The following BEAN1 variants were observed in gnomAD, a reference collection of about 807,000 sequenced individuals.
BEAN1 encodes protein BEAN1.
BEAN1 carries 17 observed loss-of-function variants against 17.7 expected under a neutral mutation model. The ratio of observed to expected loss-of-function variants is 0.96; its 90% CI spans 0.66 to 1.44. BEAN1 has a LOEUF of 1.44. BEAN1 is among the 40% of genes most tolerant of loss of function. The pLI, the probability that BEAN1 is intolerant of heterozygous loss-of-function variation, is 0.00. For synonymous variants in BEAN1, 142 were observed against 151.8 expected (o/e 0.94, Z 0.47); for missense variants, 359 against 374.1 (o/e 0.96, Z 0.33).
intron 2 of BEAN1, among the ~76,000 whole-genome samples, chr16:66,454,829 A>G (rs1366903449): frequency 6.6e-6 from 1 of 151,162 alleles, no homozygotes; most frequent in African/African-American, 2.4e-5. Context: ...AAGAAACAAG[A>G]AAGTGTGATC....
chr16:66,467,365 A>C (rs1253016915), intron 2 of BEAN1, among the ~76,000 whole-genome samples: 5 of 152,220 alleles, frequency 3.3e-5, no homozygotes, highest in Non-Finnish European at 7.3e-5. Flanking sequence ...GAGAGGCCTC[A>C]AGAAACAGAC....
At chr16:66,431,299 AC>A (rs1037600025) in intron 1 of BEAN1, among the ~76,000 whole-genome samples, 15 of 152,186 alleles carry the variant, frequency 9.9e-5, no homozygotes, top group African/African-American at 3.1e-4. Context: ...CAACAAACAA[AC>A]AAAAACCCCA....
chr16:66,473,326 G>A lies in BEAN1; in HGVS notation c.289+3461G>A, dbSNP rs979156084. 6.6e-6 allele frequency among the ~76,000 whole-genome samples: 1 copy of A among 152,226 alleles called. No homozygotes were observed. The highest frequency in any genetic ancestry group is 1.5e-5 in the Non-Finnish European group (1 of 68,052). ...CTTGGCTTCCCCACTGCAGCCTGTG[G>A]TGGTGGTGACCCCTGTGGGGTTCCG... On this transcript the variant is annotated intron_variant, in intron 3 of 4. Coordinates refer to ENST00000536005, the MANE Select transcript of BEAN1 (RefSeq NM_001178020.3). The surrounding 1 kb of genome is among the most constrained non-coding windows in gnomAD (Gnocchi z 4.5).
intron 1 of BEAN1, among the ~76,000 whole-genome samples, chr16:66,432,259 A>G (rs1414650945): frequency 1.3e-5 from 2 of 152,292 alleles, no homozygotes; most frequent in South Asian, 4.1e-4. Context: ...TTATTCAATC[A>G]TATGACAAAC....
intron 2 of BEAN1, among the ~76,000 whole-genome samples, chr16:66,439,865 C>T (rs1962181765): frequency 6.6e-6 from 1 of 152,166 alleles, no homozygotes; most frequent in Non-Finnish European, 1.5e-5. Flanking sequence ...CCACCAAGCC[C>T]AGTGGATTCC....
At chr16:66,447,145 C>T (rs1962487342) in intron 2 of BEAN1, among the ~76,000 whole-genome samples, 1 of 152,162 alleles carries the variant, frequency 6.6e-6, no homozygotes, top group African/African-American at 2.4e-5. Context: ...TGGCACATGC[C>T]TGTAGACCCA....
exon 5 of BEAN1, chr16:66,493,278 G>A: frequency 1.4e-6 from 1 of 702,688 alleles, no homozygotes. Context: ...GTTCAGCCAG[G>A]CCCAGGTTCC....
chr16:66,460,089 G>A (rs1342519156), intron 2 of BEAN1, among the ~76,000 whole-genome samples: 1 of 152,198 alleles, frequency 6.6e-6, no homozygotes, highest in East Asian at 1.9e-4. Flanking sequence ...TCTCTGCACT[G>A]GCCCTGCCCA....
At chr16:66,447,027 TG>T (rs1172762761) in intron 2 of BEAN1, among the ~76,000 whole-genome samples, 4 of 152,154 alleles carry the variant, frequency 2.6e-5, no homozygotes, top group African/African-American at 9.7e-5. Context: ...CTCAGCACTC[TG>T]GGAGGCCAAG....
chr16:66,467,970 G>C (rs1963317517), intron 2 of BEAN1, among the ~76,000 whole-genome samples: 1 of 152,260 alleles, frequency 6.6e-6, no homozygotes, highest in African/African-American at 2.4e-5. Context: ...GTGTGATTGA[G>C]GCTTTTGGGG....
chr16:66,434,237 C>A lies in BEAN1; in HGVS notation c.-82-3358C>A, dbSNP rs1567480477. Among the ~76,000 whole-genome samples the A allele has an allele frequency of 6.7e-6, 1 of 149,010 alleles. No homozygotes were observed. The highest frequency in any genetic ancestry group is 1.5e-5 in the Non-Finnish European group (1 of 67,362). ...ACCCCGACCCCAACCCCGACCCCGA[C>A]CCCTGGCAAAGGAACCACAGTCCCA... On this transcript the variant is annotated intron_variant, in intron 1 of 4. Coordinates refer to ENST00000536005, the MANE Select transcript of BEAN1 (RefSeq NM_001178020.3). This position sits in a 1 kb window ranked among gnomAD's most constrained non-coding sequence, Gnocchi z 4.3.
chr16:66,437,849 G>A, intron 2 of BEAN1, 148 bp downstream of exon 2: 2 of 1,074,086 alleles, frequency 1.9e-6, no homozygotes, highest in Non-Finnish European at 2.8e-6. Flanking sequence ...GTGGGGAGAG[G>A]GCAACACGGA....
chr16:66,480,888 C>G lies in BEAN1; in HGVS notation c.743C>G (p.Thr248Ser). The G allele has an allele frequency of 2.0e-6, 3 of 1,467,626 alleles. No individual in the cohort carries two copies. The highest frequency in any genetic ancestry group is 2.7e-6 in the Non-Finnish European group (3 of 1,104,924). The allele number at this position is 1,467,626 out of a possible 1,614,324, so 90.9% of individuals were successfully genotyped here. ...PRGSQGSPTP[T>S]RAPASGPERI... ...GGCTCCCAGGGCTCACCCACCCCAACCCGGGCCCCAGCCTCTGGCCCAGAG... is the reference window on the plus strand; with the variant it reads ...GGCTCCCAGGGCTCACCCACCCCAAGCCGGGCCCCAGCCTCTGGCCCAGAG... The change falls in exon 5 of 5, where the codon ACC becomes AGC. Residue 248 changes from threonine (T) to serine (S), a missense_variant. Transcript: ENST00000536005.
At chr16:66,458,053 T>C (rs1436921126) in intron 2 of BEAN1, among the ~76,000 whole-genome samples, 1 of 152,150 alleles carries the variant, frequency 6.6e-6, no homozygotes, top group Non-Finnish European at 1.5e-5. Context: ...ACAAATGTCT[T>C]TGGAATTTTT....
chr16:66,470,078 A>C lies in BEAN1; in HGVS notation c.289+213A>C. ...CGGATGACTGCTAAGAGAGAAACTCAGAGTGAGGCTGAAGGTCAGAGGGAG... is the reference window on the plus strand; with the variant it reads ...CGGATGACTGCTAAGAGAGAAACTCCGAGTGAGGCTGAAGGTCAGAGGGAG... On this transcript the variant is annotated intron_variant, in intron 3 of 4. Transcript: ENST00000536005. The C allele has an allele frequency of 5.9e-6, 4 of 679,446 alleles. No individual in the cohort carries two copies. In the South Asian group the frequency reaches 7.9e-5, roughly 13 times the overall value. 42.1% of individuals were successfully genotyped at this position (679,446 alleles called of 1,614,324 possible). A position where few individuals can be genotyped will look rare whatever the true frequency, so the allele number is the denominator to read the frequency against.
At position 66,480,998 on chromosome 16, in the gene BEAN1, C is replaced by T. The variant is rs1030837218; in HGVS notation, c.*73C>T. 3.2e-6 allele frequency: 4 copies of T among 1,248,060 alleles called. No individual in the cohort carries two copies. The highest frequency in any genetic ancestry group is 1.6e-5 in the South Asian group (1 of 62,878). 77.3% of individuals were successfully genotyped at this position (1,248,060 alleles called of 1,614,324 possible). Reference sequence around the variant, plus strand: ...TTCTTTAGGCACACAAAGGCGTGCACACACACACAGAGATGCACACGTGAC... The same window carrying T: ...TTCTTTAGGCACACAAAGGCGTGCATACACACACAGAGATGCACACGTGAC... On this transcript the variant is annotated 3_prime_UTR_variant, in exon 5 of 5. Coordinates refer to ENST00000536005, the MANE Select transcript of BEAN1 (RefSeq NM_001178020.3).
intron 1 of BEAN1, among the ~76,000 whole-genome samples, chr16:66,433,194 C>T (rs1305736411): frequency 6.6e-6 from 1 of 152,104 alleles, no homozygotes; most frequent in African/African-American, 2.4e-5. Flanking sequence ...CTGCAACCCC[C>T]ACCTCCCGGG....
At chr16:66,469,455 G>T in intron 2 of BEAN1, 147 bp from the exon 3 acceptor site, 1 of 999,596 alleles carries the variant, frequency 1.0e-6, no homozygotes, top group Non-Finnish European at 1.4e-6. Context: ...TCTCCCCCAG[G>T]AGCAGCCAGG....
intron 2 of BEAN1, among the ~76,000 whole-genome samples, chr16:66,459,737 T>C (rs1255950434): frequency 6.6e-6 from 1 of 152,152 alleles, no homozygotes; most frequent in Non-Finnish European, 1.5e-5. Context: ...TTGTGATTCC[T>C]CAAATGCATC....
Sources: allele counts gnomAD v4.1 joint callset (sites outside exome capture counted in the v4.1 genomes callset), GRCh38; gene constraint gnomAD v4.1.1; non-coding constraint Gnocchi (gnomAD v3.1); transcripts MANE v1.5; gene names NCBI Gene and HGNC (gene_info 2026-07-23, HGNC 2026-07-21).